The following ABLIM1 variants were observed in gnomAD, a reference collection of about 807,000 sequenced individuals.
The protein encoded by ABLIM1 is actin binding LIM protein 1, also known as actin-binding LIM protein 1.
Under a neutral mutation model 107.0 loss-of-function variants are expected in ABLIM1, and 40 were observed. That is an observed-to-expected ratio of 0.37 (90% CI 0.29 to 0.49). The LOEUF (loss-of-function observed/expected upper bound fraction) is 0.49. ABLIM1 is among the 20% of genes least tolerant of loss of function. The pLI is 0.97. For synonymous variants in ABLIM1, 357 were observed against 357.3 expected (o/e 1.00, Z 0.01); for missense variants, 857 against 1,008.5 (o/e 0.85, Z 2.04).
intron 8 of ABLIM1, among the ~76,000 whole-genome samples, chr10:114,478,838 T>C (rs1036120952): frequency 2.6e-5 from 4 of 152,228 alleles, no homozygotes; most frequent in Non-Finnish European, 4.4e-5. Flanking sequence ...AAGTTTATGG[T>C]AAAATTTACT....
At chr10:114,563,509 GTATAATAGTAATATAATACGTTAAGTA>G (rs1372180539) in intron 4 of ABLIM1, among the ~76,000 whole-genome samples, 12 of 152,114 alleles carry the variant, frequency 7.9e-5, no homozygotes, top group African/African-American at 2.2e-4. Context: ...TGTGACAAAT[GTATAATAGTAATATAATACGTTAAGTA>G]TATAATAAAG....
intron 4 of ABLIM1, among the ~76,000 whole-genome samples, chr10:114,553,581 T>G (rs550983134): frequency 5.3e-5 from 8 of 152,330 alleles, no homozygotes; most frequent in South Asian, 4.1e-4. Context: ...GAGAGTGGTG[T>G]TCCCCTCTGC....
upstream of ABLIM1, among the ~76,000 whole-genome samples, chr10:114,687,927 C>A (rs1438196032): frequency 6.6e-6 from 1 of 152,094 alleles, no homozygotes; most frequent in Non-Finnish European, 1.5e-5. Flanking sequence ...CTGAACTTGT[C>A]TTCCAATTAT....
In ABLIM1 at chr10:114,598,236, C is replaced by T. The variant is rs533330996; in HGVS notation, c.379+3591G>A. Among the ~76,000 whole-genome samples, 439 of 144,588 alleles carry T rather than the reference C, an allele frequency of 3.0e-3. 9 individuals carry two copies. Among genetic ancestry groups the T allele is most frequent in the Non-Finnish European group, 3.8e-3 (253 of 66,840 alleles). The allele number at this position is 144,588 out of a possible 152,430, so 94.9% of individuals were successfully genotyped here. ...TTGCAGCGAGCCAAGATCACTCCAC[C>T]GCACTCCAGCCTGGGCAACAAGAGT... On this transcript the variant is annotated intron_variant, in intron 2 of 22. Coordinates refer to ENST00000533213, the MANE Select transcript of ABLIM1 (RefSeq NM_002313.7).
chr10:114,590,027 G>A lies in ABLIM1; in HGVS notation c.379+11800C>T, dbSNP rs139424909. On this transcript the variant is annotated intron_variant, in intron 2 of 22. Transcript: ENST00000533213. ...GTGTACCATTTTTAGTTTTTATACC[G>A]TATTTTTACTATACCTGATCTATAT... is the stretch of plus-strand genomic sequence containing the variant. Among the ~76,000 whole-genome samples the A allele has an allele frequency of 9.2e-5, 14 of 152,154 alleles. No homozygotes were observed. The East Asian group carries it at 1.7e-3, about 19-fold the overall frequency.
intron 6 of ABLIM1, among the ~76,000 whole-genome samples, chr10:114,544,245 T>C (rs762063777): frequency 3.8e-4 from 58 of 152,134 alleles, no homozygotes; most frequent in Non-Finnish European, 1.9e-4. Context: ...TGGGCCATAC[T>C]CTCCACGCTG....
At chr10:114,673,537 C>T (rs532547694) in intron 1 of ABLIM1, among the ~76,000 whole-genome samples, 1 of 152,308 alleles carries the variant, frequency 6.6e-6, no homozygotes, top group South Asian at 2.1e-4. Context: ...CTCAGACACA[C>T]TCTTCCCTCT....
At chr10:114,798,788 TA>T in the ABLIM1 span, among the ~76,000 whole-genome samples, 1 of 151,840 alleles carries the variant, frequency 6.6e-6, no homozygotes, top group African/African-American at 2.4e-5. Context: ...AGTATATATG[TA>T]TTTTTTTTAA....
intron 6 of ABLIM1, among the ~76,000 whole-genome samples, chr10:114,527,923 C>G (rs539003841): frequency 1.3e-5 from 2 of 151,834 alleles, no homozygotes; most frequent in Non-Finnish European, 2.9e-5. Flanking sequence ...CTGTAACCTC[C>G]GCCTCCCAGT....
intron 15 of ABLIM1, among the ~76,000 whole-genome samples, chr10:114,447,670 A>G (rs2061219619): frequency 6.6e-6 from 1 of 152,248 alleles, no homozygotes; most frequent in Non-Finnish European, 1.5e-5. Context: ...TTTGGTTAGA[A>G]CAAGACTCTG....
chr10:114,607,115 T>C (rs556075366), intron 1 of ABLIM1, among the ~76,000 whole-genome samples: 2 of 152,350 alleles, frequency 1.3e-5, no homozygotes, highest in South Asian at 2.1e-4. Flanking sequence ...CAGGCTGGAA[T>C]GCAGTGGTGC....
exon 1 of ABLIM1, chr10:114,684,755 G>A (rs1037554078): frequency 1.0e-6 from 1 of 993,520 alleles, no homozygotes; most frequent in African/African-American, 1.7e-5. Flanking sequence ...CCAGAATCCA[G>A]ATTTTGATCA....
chr10:114,719,376 A>G (rs905753168), intron 1 of ABLIM1, among the ~76,000 whole-genome samples: 6 of 152,222 alleles, frequency 3.9e-5, no homozygotes, highest in Non-Finnish European at 8.8e-5. Context: ...TACGAACTGA[A>G]GGACCTTGTC....
At chr10:114,597,174 C>A (rs957978125) in intron 2 of ABLIM1, among the ~76,000 whole-genome samples, 1 of 152,212 alleles carries the variant, frequency 6.6e-6, no homozygotes, top group Non-Finnish European at 1.5e-5. Context: ...TAGGACTTGG[C>A]TGCAATTGGG....
At chr10:114,511,252 G>C (rs572040486) in intron 6 of ABLIM1, among the ~76,000 whole-genome samples, 38 of 152,022 alleles carry the variant, frequency 2.5e-4, no homozygotes, top group Non-Finnish European at 5.4e-4. Flanking sequence ...TAACGTCACA[G>C]AACAATGGCA....
intron 4 of ABLIM1, among the ~76,000 whole-genome samples, chr10:114,562,166 G>A (rs1245078107): frequency 6.6e-6 from 1 of 152,158 alleles, no homozygotes; most frequent in African/African-American, 2.4e-5. Flanking sequence ...GTTCAGAAAA[G>A]TGTAGCTGCT....
At chr10:114,786,101 A>AT in the ABLIM1 span, among the ~76,000 whole-genome samples, 1 of 152,242 alleles carries the variant, frequency 6.6e-6, no homozygotes, top group African/African-American at 2.4e-5. Context: ...GCAGAATTAC[A>AT]TTCAGTTTTT....
At chr10:114,712,309 C>T (rs1344177069) in intron 1 of ABLIM1, among the ~76,000 whole-genome samples, 6 of 133,130 alleles carry the variant, frequency 4.5e-5, no homozygotes, top group East Asian at 2.3e-4. Flanking sequence ...GCCGAGATCA[C>T]GCCACTGCAC....
At chr10:114,717,935 A>T (rs1306074768) in intron 1 of ABLIM1, among the ~76,000 whole-genome samples, 3 of 87,130 alleles carry the variant, frequency 3.4e-5, no homozygotes, top group African/African-American at 1.3e-4. Flanking sequence ...AAGGGGGGGA[A>T]GGGGAGGGGA....
Sources: allele counts gnomAD v4.1 joint callset (sites outside exome capture counted in the v4.1 genomes callset), GRCh38; gene constraint gnomAD v4.1.1; transcripts MANE v1.5; gene names NCBI Gene and HGNC (gene_info 2026-07-23, HGNC 2026-07-21).